PIEZO2: variants seen among roughly 807,000 people sequenced by gnomAD.
PIEZO2 encodes piezo-type mechanosensitive ion channel component 2.
Under a neutral mutation model 337.3 loss-of-function variants are expected in PIEZO2, and 172 were observed. The ratio of observed to expected loss-of-function variants is 0.51; its 90% CI spans 0.45 to 0.58. PIEZO2 has a LOEUF of 0.58. Ranked by LOEUF, PIEZO2 falls within the 20% of genes least tolerant of loss-of-function variation. The pLI is 0.00. For synonymous variants in PIEZO2, 1,251 were observed against 1,228.5 expected (o/e 1.02, Z -0.38); for missense variants, 3,028 against 3,391.3 (o/e 0.89, Z 2.66).
rs568255201 is a variant in PIEZO2 at position 10,861,581 on chromosome 18, G to A, written c.493-4370C>T. 2.6e-5 allele frequency among the ~76,000 whole-genome samples: 4 copies of A among 152,222 alleles called. No homozygotes were observed. The highest frequency in any genetic ancestry group is 5.9e-5 in the Non-Finnish European group (4 of 68,034). ...ACTGATAGAAGTAGAGAGTAGAGGG[G>A]TAGTTACCAGAGGCTGGGGAAGGAG... On this transcript the variant is annotated intron_variant, in intron 5 of 55. Transcript: ENST00000674853. This position sits in a 1 kb window ranked among gnomAD's most constrained non-coding sequence, Gnocchi z 4.3.
rs1022922235 is a variant in PIEZO2, at chr18:10,854,650, G to T, written c.917+703C>A. ...AATAGTCATCTCCAATCGAAGCAAA[G>T]TATTTGATGTTTCTCCCTTTCTCTC... On this transcript the variant is annotated intron_variant, in intron 7 of 55. Transcript: ENST00000674853. This position sits in a 1 kb window ranked among gnomAD's most constrained non-coding sequence, Gnocchi z 4.6. Among the ~76,000 whole-genome samples, 5 of 152,206 alleles carry T rather than the reference G, an allele frequency of 3.3e-5. No homozygotes were observed. Among genetic ancestry groups the T allele is most frequent in the African/African-American group, 1.2e-4 (5 of 41,440 alleles).
chr18:10,698,007 A>G, intron 44 of PIEZO2, 127 bp from the exon 45 acceptor site: 1 of 183,118 alleles, frequency 5.5e-6, no homozygotes, highest in Non-Finnish European at 8.1e-6. Context: ...GAGGATGAGT[A>G]TGCACGGCCT....
At chr18:10,753,584 T>C (rs750616440) in intron 27 of PIEZO2, among the ~76,000 whole-genome samples, 19 of 152,234 alleles carry the variant, frequency 1.2e-4, no homozygotes, top group Non-Finnish European at 2.6e-4. Context: ...ATTTCTTGAT[T>C]AGAACTTTTG....
At position 11,048,273 on chromosome 18, in the gene PIEZO2, A is replaced by G. The variant is rs1349795903; in HGVS notation, c.160+17854T>C. The stretch of plus-strand genomic sequence containing the variant: ...AAAAAATGGAGAAAGGGAAGAGGGA[A>G]AGAAGAAAGGACAAAATGGTGACCC... On this transcript the variant is annotated intron_variant, in intron 2 of 55. Coordinates refer to ENST00000674853, the MANE Select transcript of PIEZO2 (RefSeq NM_001378183.1). The surrounding 1 kb of genome is among the most constrained non-coding windows in gnomAD (Gnocchi z 4.5). Among the ~76,000 whole-genome samples, 1 of 152,238 alleles carries G rather than the reference A, an allele frequency of 6.6e-6. No individual in the cohort carries two copies. Among genetic ancestry groups the G allele is most frequent in the East Asian group, 1.9e-4 (1 of 5,202 alleles).
At chr18:10,949,404 G>A (rs1040020094) in intron 3 of PIEZO2, among the ~76,000 whole-genome samples, 10 of 152,156 alleles carry the variant, frequency 6.6e-5, no homozygotes, top group South Asian at 2.1e-4. Flanking sequence ...GCTAAAGATC[G>A]CACTTGTTCT....
At chr18:10,880,551 T>C (rs968994928) in intron 4 of PIEZO2, among the ~76,000 whole-genome samples, 10 of 151,998 alleles carry the variant, frequency 6.6e-5, no homozygotes, top group African/African-American at 2.4e-4. Context: ...AGAACAACTT[T>C]TGGGGGCAAA....
intron 44 of PIEZO2, 91 bp downstream of exon 44, chr18:10,698,834 A>G (rs2035210876): frequency 6.9e-7 from 1 of 1,455,390 alleles, no homozygotes; most frequent in Admixed American, 2.4e-5. Flanking sequence ...ATAGCACCCA[A>G]TACACTCCCT....
chr18:11,102,613 G>C lies in PIEZO2; in HGVS notation c.65-36391C>G, dbSNP rs1269832672. On this transcript the variant is annotated intron_variant, in intron 1 of 55. Transcript: ENST00000674853. This position sits in a 1 kb window ranked among gnomAD's most constrained non-coding sequence, Gnocchi z 5.7. ...CTGGCTTGGATCATCTCTGACACTT[G>C]CTCTCCCCTGGTGTCTTTGGAGCAC... Among the ~76,000 whole-genome samples, 1 of 152,170 alleles carries C rather than the reference G, an allele frequency of 6.6e-6. No homozygotes were observed. Among genetic ancestry groups the C allele is most frequent in the Non-Finnish European group, 1.5e-5 (1 of 68,026 alleles).
intron 30 of PIEZO2, among the ~76,000 whole-genome samples, chr18:10,745,296 T>C (rs1475639593): frequency 6.6e-6 from 1 of 152,124 alleles, no homozygotes; most frequent in East Asian, 1.9e-4. Flanking sequence ...AATCTTTCCA[T>C]CAGTACCGAA....
chr18:10,713,280 A>G lies in PIEZO2; in HGVS notation c.5423+1484T>C, dbSNP rs1032481465. On this transcript the variant is annotated intron_variant, in intron 39 of 55. Transcript: ENST00000674853. The surrounding 1 kb of genome is among the most constrained non-coding windows in gnomAD (Gnocchi z 4.5). Reference sequence around the variant, plus strand: ...ATAATAATTATTGGGTAGCAAAATAATTGGCATAATTAGAGAGGCTCAAAT... The same window carrying G: ...ATAATAATTATTGGGTAGCAAAATAGTTGGCATAATTAGAGAGGCTCAAAT... Among the ~76,000 whole-genome samples the G allele has an allele frequency of 3.3e-5, 5 of 152,194 alleles. No individual in the cohort carries two copies. Among genetic ancestry groups the G allele is most frequent in the Admixed American group, 3.3e-4 (5 of 15,282 alleles).
At chr18:11,123,723 T>C (rs1418860156) in intron 1 of PIEZO2, among the ~76,000 whole-genome samples, 1 of 151,788 alleles carries the variant, frequency 6.6e-6, no homozygotes. Context: ...GGCAGGAGGA[T>C]GGCGTGAACC....
At chr18:11,043,516 G>A (rs2037193784) in intron 2 of PIEZO2, among the ~76,000 whole-genome samples, 1 of 152,060 alleles carries the variant, frequency 6.6e-6, no homozygotes, top group African/African-American at 2.4e-5. Flanking sequence ...TAATTTTTAT[G>A]TTAATTTTGG....
intron 2 of PIEZO2, among the ~76,000 whole-genome samples, chr18:11,041,715 G>T (rs547186013): frequency 6.6e-6 from 1 of 152,016 alleles, no homozygotes; most frequent in South Asian, 2.1e-4. Context: ...GCTGCTTAAC[G>T]ACAACTTATA....
intron 32 of PIEZO2, among the ~76,000 whole-genome samples, chr18:10,741,916 G>A (rs908739966): frequency 7.2e-5 from 11 of 152,178 alleles, no homozygotes; most frequent in African/African-American, 2.4e-4. Flanking sequence ...CACTTTGGGA[G>A]GCCGAGGTGG....
At chr18:10,874,609 T>G (rs2042223931) in intron 4 of PIEZO2, among the ~76,000 whole-genome samples, 1 of 152,100 alleles carries the variant, frequency 6.6e-6, no homozygotes, top group Non-Finnish European at 1.5e-5. Context: ...AAATATGCTG[T>G]ATATACACAA....
Position 11,104,260 on chromosome 18 carries a change from A to C in PIEZO2, c.65-38038T>G, listed in dbSNP as rs1283175734. Among the ~76,000 whole-genome samples the C allele has an allele frequency of 6.6e-6, 1 of 152,218 alleles. No homozygotes were observed. Among genetic ancestry groups the C allele is most frequent in the Non-Finnish European group, 1.5e-5 (1 of 68,032 alleles). On this transcript the variant is annotated intron_variant, in intron 1 of 55. Coordinates refer to ENST00000674853, the MANE Select transcript of PIEZO2 (RefSeq NM_001378183.1). This position sits in a 1 kb window ranked among gnomAD's most constrained non-coding sequence, Gnocchi z 4.6. ...GGCTTTTCACATACTCTGAGAATGT[A>C]AAAGGTGGCAGTGTGGGGAGAATAT...
rs570672877 is a variant in PIEZO2, at chr18:10,781,882, G to A, written c.2493-1516C>T. On this transcript the variant is annotated intron_variant, in intron 17 of 55. Transcript: ENST00000674853. This position sits in a 1 kb window ranked among gnomAD's most constrained non-coding sequence, Gnocchi z 4.1. Reference sequence around the variant, plus strand: ...TGATCTGTGGGCCATTTCTTGTAAAGCAACTGTTTAGGAGGCAGGAGCAGA... The same window carrying A: ...TGATCTGTGGGCCATTTCTTGTAAAACAACTGTTTAGGAGGCAGGAGCAGA... Among the ~76,000 whole-genome samples the A allele has an allele frequency of 6.6e-6, 1 of 152,104 alleles. No individual in the cohort carries two copies. Among genetic ancestry groups the A allele is most frequent in the East Asian group, 1.9e-4 (1 of 5,178 alleles).
chr18:11,086,728 A>G (rs1297062828), intron 1 of PIEZO2, among the ~76,000 whole-genome samples: 1 of 149,716 alleles, frequency 6.7e-6, no homozygotes, highest in Non-Finnish European at 1.5e-5. Flanking sequence ...ACTTTCTTAC[A>G]ATAAAAAAGA....
chr18:11,080,244 G>T lies in PIEZO2; in HGVS notation c.65-14022C>A, dbSNP rs191427382. ...TCTTTATCATGTTAAAGTTTTTCAC[G>T]ATGTCTATGTGTATATTTTGTATTT... On this transcript the variant is annotated intron_variant, in intron 1 of 55. Coordinates refer to ENST00000674853, the MANE Select transcript of PIEZO2 (RefSeq NM_001378183.1). The surrounding 1 kb of genome is among the most constrained non-coding windows in gnomAD (Gnocchi z 5.4). Among the ~76,000 whole-genome samples the T allele has an allele frequency of 1.3e-5, 2 of 152,130 alleles. No individual in the cohort carries two copies. Among genetic ancestry groups the T allele is most frequent in the African/African-American group, 4.8e-5 (2 of 41,420 alleles).
Sources: allele counts gnomAD v4.1 joint callset (sites outside exome capture counted in the v4.1 genomes callset), GRCh38; gene constraint gnomAD v4.1.1; non-coding constraint Gnocchi (gnomAD v3.1); transcripts MANE v1.5; gene names NCBI Gene and HGNC (gene_info 2026-07-23, HGNC 2026-07-21).